The following GIGYF2 variants were observed in gnomAD, a reference collection of about 807,000 sequenced individuals.
GIGYF2 encodes the protein GRB10-interacting GYF protein 2.
In GIGYF2, 25 loss-of-function variants were observed where a neutral mutation model predicts 208.1. That is an observed-to-expected ratio of 0.12 (90% CI 0.09 to 0.17). GIGYF2 has a LOEUF of 0.17. Ranked by LOEUF, GIGYF2 falls within the 10% of genes least tolerant of loss-of-function variation. GIGYF2 has a pLI of 1.00. For synonymous variants in GIGYF2, 534 were observed against 543.8 expected (o/e 0.98, Z 0.25); for missense variants, 1,302 against 1,579.4 (o/e 0.82, Z 2.98).
intron 2 of GIGYF2, among the ~76,000 whole-genome samples, chr2:232,727,318 G>A (rs1298720507): frequency 6.6e-6 from 1 of 152,172 alleles, no homozygotes; most frequent in Non-Finnish European, 1.5e-5. Flanking sequence ...TTTATTAGAA[G>A]TTTGTCCATG....
chr2:232,761,305 A>G (rs1698733090), intron 7 of GIGYF2, 91 bp from the exon 8 acceptor site: 3 of 809,516 alleles, frequency 3.7e-6, no homozygotes, highest in Admixed American at 3.7e-5. Flanking sequence ...TGAAGAAGAA[A>G]TGCTTTTAGA....
At chr2:232,734,944 C>T (rs1037681944) in intron 2 of GIGYF2, among the ~76,000 whole-genome samples, 6 of 152,126 alleles carry the variant, frequency 3.9e-5, no homozygotes, top group Middle Eastern at 3.2e-3. Flanking sequence ...CCCAGATTAA[C>T]ATAGAAAGGT....
intron 2 of GIGYF2, chr2:232,730,217 G>T: frequency 8.7e-7 from 1 of 1,155,364 alleles, no homozygotes; most frequent in Non-Finnish European, 1.3e-6. Context: ...CTGTACCTGA[G>T]AGCTGAGGAG....
intron 12 of GIGYF2, among the ~76,000 whole-genome samples, chr2:232,794,023 A>T (rs185928154): frequency 7.2e-5 from 11 of 152,310 alleles, no homozygotes; most frequent in Non-Finnish European, 1.6e-4. Flanking sequence ...CTATCCTTTT[A>T]AAAAGTATGG....
intron 18 of GIGYF2, among the ~76,000 whole-genome samples, chr2:232,815,139 C>T (rs1037441638): frequency 3.9e-5 from 6 of 152,168 alleles, no homozygotes; most frequent in African/African-American, 1.2e-4. Flanking sequence ...TCATTTAACA[C>T]AAAATTAACC....
rs767405632 is a variant in GIGYF2, at chr2:232,809,707, A to C, written c.1807-13A>C. The C allele has an allele frequency of 3.3e-6, 5 of 1,517,046 alleles. No individual in the cohort carries two copies. The highest frequency in any genetic ancestry group is 4.6e-6 in the Non-Finnish European group (5 of 1,091,336). The allele number at this position is 1,517,046 out of a possible 1,614,324, so 94.0% of individuals were successfully genotyped here. A position where few individuals can be genotyped will look rare whatever the true frequency, so the allele number is the denominator to read the frequency against. On this transcript the variant is annotated splice_polypyrimidine_tract_variant and intron_variant, in intron 15 of 28. Transcript: ENST00000373563. The stretch of plus-strand genomic sequence containing the variant: ...ATTTAATGGTATTTATTTCCTCACC[A>C]CTTCATTCCTAGGGAGAGCTGGACC...
At chr2:232,786,183 A>C (rs1167480144) in intron 8 of GIGYF2, among the ~76,000 whole-genome samples, 1 of 152,214 alleles carries the variant, frequency 6.6e-6, no homozygotes, top group Non-Finnish European at 1.5e-5. Context: ...GTCCAAAAGC[A>C]ATTTATGGTA....
At chr2:232,752,895 C>T (rs966492115) in intron 5 of GIGYF2, among the ~76,000 whole-genome samples, 4 of 152,048 alleles carry the variant, frequency 2.6e-5, no homozygotes, top group Admixed American at 1.3e-4. Context: ...TCAAAAAGCA[C>T]ATAATGAAAA....
At chr2:232,813,881 ATTTTTTTTTT>A (rs397871962) in intron 18 of GIGYF2, among the ~76,000 whole-genome samples, 3 of 73,544 alleles carry the variant, frequency 4.1e-5, no homozygotes, top group African/African-American at 1.5e-4. Flanking sequence ...TCACAAGTGG[ATTTTTTTTTT>A]TTTTTTTTTT....
intron 20 of GIGYF2, among the ~76,000 whole-genome samples, chr2:232,818,327 A>G (rs766269489): frequency 1.3e-5 from 2 of 152,348 alleles, no homozygotes; most frequent in South Asian, 2.1e-4. Flanking sequence ...ATTTTCCACA[A>G]TATAGCTGAG....
chr2:232,736,886 A>G (rs538629427), intron 3 of GIGYF2, among the ~76,000 whole-genome samples: 2 of 152,338 alleles, frequency 1.3e-5, no homozygotes, highest in African/African-American at 4.8e-5. Flanking sequence ...GTTTATAGGT[A>G]ACAGAAAGGG....
intron 8 of GIGYF2, chr2:232,782,570 A>G (rs1022519675): frequency 6.6e-6 from 1 of 152,228 alleles, no homozygotes; most frequent in African/African-American, 2.4e-5. Context: ...GCAGTAGCAT[A>G]AGAGTAATAC....
intron 27 of GIGYF2, 140 bp downstream of exon 27, chr2:232,847,711 T>C: frequency 8.5e-7 from 1 of 1,179,318 alleles, no homozygotes. Flanking sequence ...GTATACTTCA[T>C]ATTTTCAAAT....
chr2:232,701,309 A>G (rs1695828212), intron 1 of GIGYF2, among the ~76,000 whole-genome samples: 1 of 151,812 alleles, frequency 6.6e-6, no homozygotes, highest in Non-Finnish European at 1.5e-5. Context: ...TGCTCAGGCT[A>G]CAGTGCAGCG....
Position 232,858,143 on chromosome 2 carries a change from C to A in GIGYF2, c.*1283C>A. On this transcript the variant is annotated 3_prime_UTR_variant, in exon 29 of 29. Transcript: ENST00000373563. Reference sequence around the variant, plus strand: ...TTTTCCTGCCTCCACCAAACCCCTACAGAACATCACCTGGAATTGCCACTC... The same window carrying A: ...TTTTCCTGCCTCCACCAAACCCCTAAAGAACATCACCTGGAATTGCCACTC... The A allele has an allele frequency of 4.8e-6, 1 of 207,202 alleles. No individual in the cohort carries two copies. The highest frequency in any genetic ancestry group is 7.6e-5 in the South Asian group (1 of 13,118). The allele number at this position is 207,202 out of a possible 1,614,324, so 12.8% of individuals were successfully genotyped here. A position where few individuals can be genotyped will look rare whatever the true frequency, so the allele number is the denominator to read the frequency against.
chr2:232,847,664 A>T (rs1481142808), intron 27 of GIGYF2, 93 bp downstream of exon 27: 1 of 1,508,826 alleles, frequency 6.6e-7, no homozygotes, highest in African/African-American at 1.4e-5. Flanking sequence ...CAAAGGTACC[A>T]TTTTTGTATA....
chr2:232,850,095 G>A (rs530268465), intron 27 of GIGYF2, among the ~76,000 whole-genome samples, 167 bp from the exon 28 acceptor site: 2 of 152,326 alleles, frequency 1.3e-5, no homozygotes, highest in Admixed American at 6.5e-5. Flanking sequence ...GAAAATGGTG[G>A]CTCAGTGGCC....
At chr2:232,808,516 C>T (rs1005179820) in intron 15 of GIGYF2, among the ~76,000 whole-genome samples, 1 of 151,970 alleles carries the variant, frequency 6.6e-6, no homozygotes. Flanking sequence ...TACCTTGAAA[C>T]TTAGTTTTTC....
chr2:232,744,017 T>G (rs1175170687), intron 3 of GIGYF2, among the ~76,000 whole-genome samples: 1 of 152,022 alleles, frequency 6.6e-6, no homozygotes, highest in Non-Finnish European at 1.5e-5. Flanking sequence ...TGCTAATTTT[T>G]TTTATTTTTG....
Sources: allele counts gnomAD v4.1 joint callset (sites outside exome capture counted in the v4.1 genomes callset), GRCh38; gene constraint gnomAD v4.1.1; transcripts MANE v1.5; gene names NCBI Gene and HGNC (gene_info 2026-07-23, HGNC 2026-07-21).